The following TGFBR1 variants were observed in gnomAD, a reference collection of about 807,000 sequenced individuals.
TGFBR1 encodes transforming growth factor beta receptor 1, also known as TGF-beta receptor type-1.
Under a neutral mutation model 55.1 loss-of-function variants are expected in TGFBR1, and 20 were observed. The ratio of observed to expected loss-of-function variants is 0.36; its 90% CI spans 0.26 to 0.53. The LOEUF (loss-of-function observed/expected upper bound fraction) is 0.53. Ranked by LOEUF, TGFBR1 falls within the 20% of genes least tolerant of loss-of-function variation. The pLI is 0.91. For missense variants in TGFBR1, 385 were observed against 617.6 expected (o/e 0.62, Z 3.99); for synonymous variants, 220 against 214.8 (o/e 1.02, Z -0.21).
chr9:99,105,185 A>C lies in TGFBR1; in HGVS notation c.-21A>C. The stretch of plus-strand genomic sequence containing the variant: ...CGGCGCGGCCGGGCCGGGCCGGGCC[A>C]CAGGCGGTGGCGGCGGGACCATGGA... On this transcript the variant is annotated 5_prime_UTR_variant, in exon 1 of 9. Transcript: ENST00000374994. 9.3e-7 allele frequency: 1 copy of C among 1,080,374 alleles called. No individual in the cohort carries two copies. The highest frequency in any genetic ancestry group is 1.1e-6 in the Non-Finnish European group (1 of 892,716). 66.9% of individuals were successfully genotyped at this position (1,080,374 alleles called of 1,614,324 possible). A position where few individuals can be genotyped will look rare whatever the true frequency, so the allele number is the denominator to read the frequency against.
chr9:99,149,279 A>C lies in TGFBR1; in HGVS notation c.1486A>C (p.Ser496Arg), dbSNP rs1405292811. The C allele has an allele frequency of 6.2e-7, 1 of 1,613,888 alleles. No individual in the cohort carries two copies. The highest frequency in any genetic ancestry group is 1.1e-5 in the South Asian group (1 of 91,080). Residue 496 changes from serine to arginine, a missense_variant, in exon 9 of 9, where the codon AGT becomes CGT. Around this residue, in one of 5 missense-constraint regions of TGFBR1, gnomAD observed 110 missense variants for 154.6 expected, o/e 0.71. Coordinates refer to ENST00000374994, the MANE Select transcript of TGFBR1 (RefSeq NM_004612.4). ...GATTAAGAAAACATTATCGCAACTC[A>C]GTCAACAGGAAGGCATCAAAATGTA... ...LRIKKTLSQLSQQEGIKM is the reference protein window; with the variant it reads ...LRIKKTLSQLRQQEGIKM
At chr9:99,113,199 G>A (rs1826635691) in intron 1 of TGFBR1, among the ~76,000 whole-genome samples, 1 of 152,178 alleles carries the variant, frequency 6.6e-6, no homozygotes, top group South Asian at 2.1e-4. Flanking sequence ...CTGCAGTAAT[G>A]CGTTTGATCT....
intron 1 of TGFBR1, among the ~76,000 whole-genome samples, chr9:99,126,005 A>G (rs191094754): frequency 6.6e-6 from 1 of 152,348 alleles, no homozygotes; most frequent in Admixed American, 6.5e-5. Context: ...AGGTATGCAA[A>G]GAGCACTATG....
At chr9:99,118,379 T>C (rs969072792) in intron 1 of TGFBR1, among the ~76,000 whole-genome samples, 7 of 152,192 alleles carry the variant, frequency 4.6e-5, no homozygotes, top group African/African-American at 1.7e-4. Flanking sequence ...TGGATATCTC[T>C]TTCTTATTTG....
intron 1 of TGFBR1, 125 bp from the exon 2 acceptor site, chr9:99,128,730 G>C (rs1827117171): frequency 7.7e-7 from 1 of 1,305,322 alleles, no homozygotes. Flanking sequence ...TTGCTTCTAA[G>C]AGCAACAAAC....
rs1248121192 is a variant in TGFBR1, at chr9:99,154,159, A to G, written c.*4854A>G. ...ATATGAAGCTTTTGTTGAAAGTTGGAAAAAAAGTGAAATTAAAGACATTCC... is the reference window on the plus strand; with the variant it reads ...ATATGAAGCTTTTGTTGAAAGTTGGGAAAAAAGTGAAATTAAAGACATTCC... On this transcript the variant is annotated 3_prime_UTR_variant, in exon 9 of 9. Transcript: ENST00000374994. 1 of 223,164 alleles carries G rather than the reference A, an allele frequency of 4.5e-6. No homozygotes were observed. The highest frequency in any genetic ancestry group is 6.4e-5 in the East Asian group (1 of 15,572). 13.8% of individuals were successfully genotyped at this position (223,164 alleles called of 1,614,324 possible).
chr9:99,136,901 A>G (rs558725500), intron 3 of TGFBR1, among the ~76,000 whole-genome samples: 12 of 152,268 alleles, frequency 7.9e-5, no homozygotes, highest in African/African-American at 2.4e-4. Context: ...AGTGAGGAAC[A>G]TGATGTACAC....
intron 1 of TGFBR1, among the ~76,000 whole-genome samples, chr9:99,120,498 G>T (rs1262246197): frequency 1.3e-5 from 2 of 152,158 alleles, no homozygotes; most frequent in African/African-American, 4.8e-5. Context: ...CACTTGACAG[G>T]ACTGTAATTG....
chr9:99,144,244 T>C (rs555324447), intron 5 of TGFBR1, among the ~76,000 whole-genome samples: 74 of 152,358 alleles, frequency 4.9e-4, no homozygotes, highest in African/African-American at 1.7e-3. Flanking sequence ...TGAACCATTT[T>C]ACATTCCTGC....
rs545374025 is a variant in TGFBR1 at position 99,124,793 on chromosome 9, G to T, written c.98-4062G>T. Among the ~76,000 whole-genome samples the T allele has an allele frequency of 1.5e-4, 23 of 152,166 alleles. No individual in the cohort carries two copies. In the East Asian group the frequency reaches 4.2e-3, roughly 28 times the overall value. On this transcript the variant is annotated intron_variant, in intron 1 of 8. Transcript: ENST00000374994. ...TTATCTTGATGTTTTTATTTGTCTA[G>T]TGACCTCTTCTGATTGAAAGAGTAG...
chr9:99,146,409 A>G, intron 6 of TGFBR1, 76 bp from the exon 7 acceptor site: 3 of 1,530,840 alleles, frequency 2.0e-6, no homozygotes, highest in African/African-American at 1.4e-5. Context: ...GTATAAAGAA[A>G]TGTCTGAAAG....
chr9:99,131,794 C>A (rs1042758849), intron 2 of TGFBR1, among the ~76,000 whole-genome samples: 1 of 151,946 alleles, frequency 6.6e-6, no homozygotes, highest in Non-Finnish European at 1.5e-5. Flanking sequence ...CATGGTGAAA[C>A]CCCGTCTCTA....
At chr9:99,143,180 A>G (rs1158409538) in intron 5 of TGFBR1, among the ~76,000 whole-genome samples, 2 of 152,212 alleles carry the variant, frequency 1.3e-5, no homozygotes. Flanking sequence ...GAATCTGGAA[A>G]TTTGTTTAGA....
chr9:99,135,978 C>T (rs150267652), intron 3 of TGFBR1, among the ~76,000 whole-genome samples: 83 of 151,836 alleles, frequency 5.5e-4, no homozygotes, highest in African/African-American at 2.0e-3. Context: ...CCTCAGCCTC[C>T]TGAGTAGCTG....
chr9:99,140,904 C>T (rs1759268155), intron 4 of TGFBR1, among the ~76,000 whole-genome samples: 1 of 152,214 alleles, frequency 6.6e-6, no homozygotes, highest in Non-Finnish European at 1.5e-5. Context: ...ATGCTGTCAT[C>T]TGGTGGTCAC....
chr9:99,120,973 T>C (rs923184457), intron 1 of TGFBR1, among the ~76,000 whole-genome samples: 2 of 152,206 alleles, frequency 1.3e-5, no homozygotes, highest in Admixed American at 6.5e-5. Flanking sequence ...TAACATTATA[T>C]TGGCTAATTC....
At position 99,147,661 on chromosome 9, in the gene TGFBR1, T is replaced by A. The variant is rs781386406; in HGVS notation, c.1263T>A (p.His421Gln). Residue 421 changes from histidine (H) to glutamine (Q), a missense_variant, in exon 8 of 9, where the codon CAT (histidine) becomes CAA (glutamine). Transcript: ENST00000374994. ...TTTTTTAAACTGATACAGGAATTCA[T>A]GAAGATTACCAACTGCCTTATTATG... is the stretch of plus-strand genomic sequence containing the variant. ...IARRCSIGGI[H>Q]EDYQLPYYDL... The A allele has an allele frequency of 6.2e-7, 1 of 1,613,264 alleles. No individual in the cohort carries two copies. Among genetic ancestry groups the A allele is most frequent in the Non-Finnish European group, 8.5e-7 (1 of 1,179,540 alleles).
At chr9:99,120,243 A>G (rs929142385) in intron 1 of TGFBR1, among the ~76,000 whole-genome samples, 2 of 152,232 alleles carry the variant, frequency 1.3e-5, no homozygotes, top group African/African-American at 4.8e-5. Context: ...TCTGAGTTCC[A>G]TCAACTTAAC....
Position 99,143,276 on chromosome 9 carries a change from T to C in TGFBR1, c.973+573T>C, listed in dbSNP as rs548953139. 1.3e-5 allele frequency among the ~76,000 whole-genome samples: 2 copies of C among 152,316 alleles called. 1 individual carries two copies. Among genetic ancestry groups the C allele is most frequent in the South Asian group, 4.1e-4 (2 of 4,830 alleles). ...ATCTTATGATTTTTGAGGATCTCAGTTTCAGAATTCAGGTCCAACTGAATA... is the reference window on the plus strand; with the variant it reads ...ATCTTATGATTTTTGAGGATCTCAGCTTCAGAATTCAGGTCCAACTGAATA... On this transcript the variant is annotated intron_variant, in intron 5 of 8. Transcript: ENST00000374994.
Sources: allele counts gnomAD v4.1 joint callset (sites outside exome capture counted in the v4.1 genomes callset), GRCh38; gene constraint gnomAD v4.1.1; regional missense constraint gnomAD v4.1.1; transcripts MANE v1.5; gene names NCBI Gene and HGNC (gene_info 2026-07-23, HGNC 2026-07-21).